Variants in OPCML observed in about 807,000 individuals in gnomAD.
OPCML encodes the protein opioid binding protein/cell adhesion molecule like, also known as opioid-binding protein/cell adhesion molecule.
A neutral mutation model predicts 37.8 loss-of-function variants in OPCML; 13 were observed. The ratio of observed to expected loss-of-function variants is 0.34; its 90% CI spans 0.22 to 0.55. The LOEUF (loss-of-function observed/expected upper bound fraction) is 0.55, where lower values mean the gene tolerates loss of function less well. OPCML is among the 20% of genes least tolerant of loss of function. OPCML has a pLI of 0.91. For synonymous variants in OPCML, 176 were observed against 168.8 expected (o/e 1.04, Z -0.33); for missense variants, 341 against 435.6 (o/e 0.78, Z 1.93).
At chr11:132,759,731 A>G (rs1286795385) in intron 2 of OPCML, among the ~76,000 whole-genome samples, 1 of 151,732 alleles carries the variant, frequency 6.6e-6, no homozygotes, top group Non-Finnish European at 1.5e-5. Flanking sequence ...TATTTTGTTA[A>G]TCTTTTCTAA....
chr11:132,737,858 C>A (rs1354411097), intron 2 of OPCML, among the ~76,000 whole-genome samples: 1 of 152,170 alleles, frequency 6.6e-6, no homozygotes, highest in African/African-American at 2.4e-5. Flanking sequence ...GAGAGTTGGG[C>A]AACCAGAGAT....
In OPCML at chr11:132,552,763, C is replaced by CT. The variant is rs562056846; in HGVS notation, c.380-23578dup. 8.1e-3 allele frequency among the ~76,000 whole-genome samples: 750 copies of CT among 92,782 alleles called. 81 individuals are homozygous for CT. The highest frequency in any genetic ancestry group is 0.026 in the Admixed American group (226 of 8,772). 60.9% of individuals were successfully genotyped at this position (92,782 alleles called of 152,430 possible). On this transcript the variant is annotated intron_variant, in intron 3 of 7. Coordinates refer to ENST00000524381, the MANE Select transcript of OPCML (RefSeq NM_001012393.5). ...TAGTCAAACTAAATTAAACACTACT[C>CT]TTTTTTTTTTTTTTTTGAGACCGAG...
intron 1 of OPCML, among the ~76,000 whole-genome samples, chr11:133,281,879 G>A (rs745702005): frequency 7.2e-5 from 11 of 152,172 alleles, no homozygotes; most frequent in South Asian, 2.1e-4. Flanking sequence ...TACTGTATCC[G>A]CACCCTAGGG....
intron 3 of OPCML, among the ~76,000 whole-genome samples, chr11:132,630,314 C>T (rs766831608): frequency 1.6e-4 from 24 of 152,278 alleles, no homozygotes; most frequent in Admixed American, 1.5e-3. Context: ...AATCCCAGCA[C>T]TTTGGGAGGC....
intron 1 of OPCML, among the ~76,000 whole-genome samples, chr11:133,429,586 A>T (rs181191800): frequency 8.1e-4 from 124 of 152,334 alleles, no homozygotes; most frequent in Non-Finnish European, 1.3e-3. Flanking sequence ...CCAAGATATG[A>T]TGAACAAAGT....
At position 133,389,574 on chromosome 11, in the gene OPCML, AATT is replaced by A. The variant is rs977817867; in HGVS notation, c.61+142687_61+142689del. 3.9e-5 allele frequency among the ~76,000 whole-genome samples: 6 copies of A among 152,178 alleles called. 1 individual carries two copies. Among genetic ancestry groups the A allele is most frequent in the Admixed American group, 1.3e-4 (2 of 15,284 alleles). On this transcript the variant is annotated intron_variant, in intron 1 of 7. Transcript: ENST00000524381. ...AATAAAATAGATGTTCACAGGTGGT[AATT>A]ATTATTATTGTCATTGTTATTACTA...
At chr11:133,089,702 T>C (rs901308376) in intron 1 of OPCML, among the ~76,000 whole-genome samples, 13 of 151,786 alleles carry the variant, frequency 8.6e-5, no homozygotes, top group Admixed American at 2.0e-4. Context: ...AAAAATGGGA[T>C]ACATTTGGAA....
chr11:133,214,012 G>A lies in OPCML; in HGVS notation c.62-271002C>T, dbSNP rs181821650. ...ATGAAAATGGTTAAATGTTTGTGATGTGAGCTCTGTACTCAATGGCATAAC... is the reference window on the plus strand; with the variant it reads ...ATGAAAATGGTTAAATGTTTGTGATATGAGCTCTGTACTCAATGGCATAAC... On this transcript the variant is annotated intron_variant, in intron 1 of 7. Transcript: ENST00000524381. Among the ~76,000 whole-genome samples the A allele has an allele frequency of 3.3e-3, 501 of 152,220 alleles. 5 individuals are homozygous for A. The highest frequency in any genetic ancestry group is 0.011 in the African/African-American group (458 of 41,558).
intron 1 of OPCML, among the ~76,000 whole-genome samples, chr11:133,157,677 C>T (rs1310732206): frequency 6.6e-6 from 1 of 152,104 alleles, no homozygotes; most frequent in African/African-American, 2.4e-5. Context: ...CATTTCAGAA[C>T]CAGTCATCAA....
chr11:132,812,439 C>T (rs778857020), intron 2 of OPCML, among the ~76,000 whole-genome samples: 10 of 148,626 alleles, frequency 6.7e-5, no homozygotes, highest in Admixed American at 4.0e-4. Flanking sequence ...AGAAAATTAA[C>T]ATTACAGAAT....
intron 1 of OPCML, among the ~76,000 whole-genome samples, chr11:133,122,226 G>A (rs1011487381): frequency 2.6e-5 from 4 of 152,222 alleles, no homozygotes; most frequent in East Asian, 3.9e-4. Context: ...AGACATGGAC[G>A]GAGCTTGGGA....
At chr11:133,444,556 T>C (rs1214683674) in intron 1 of OPCML, among the ~76,000 whole-genome samples, 1 of 152,138 alleles carries the variant, frequency 6.6e-6, no homozygotes, top group Non-Finnish European at 1.5e-5. Flanking sequence ...AAAAATAATT[T>C]CTAGGGTTAT....
intron 2 of OPCML, among the ~76,000 whole-genome samples, chr11:132,937,592 T>TG (rs200440152): frequency 2.3e-5 from 2 of 86,790 alleles, no homozygotes; most frequent in East Asian, 1.1e-3. Context: ...GTGGCGTGTG[T>TG]GGGGTGTGTG....
At chr11:133,037,793 C>T (rs903604372) in intron 1 of OPCML, among the ~76,000 whole-genome samples, 2 of 152,192 alleles carry the variant, frequency 1.3e-5, no homozygotes, top group Admixed American at 6.5e-5. Flanking sequence ...CTGGATAAAA[C>T]TCTCCATAGG....
rs569665378 is a variant in OPCML, at chr11:133,261,044, C to T, written c.61+271220G>A. Among the ~76,000 whole-genome samples the T allele has an allele frequency of 1.2e-4, 18 of 152,322 alleles. 1 individual carries two copies. In the South Asian group the frequency reaches 3.7e-3, roughly 32 times the overall value. On this transcript the variant is annotated intron_variant, in intron 1 of 7. Transcript: ENST00000524381. ...TGGTTTATAAGGTCAGTTCTTTTGT[C>T]CATCTGACTTCCTTGGCTTAACAAA...
At chr11:132,910,942 T>C (rs1944408810) in intron 2 of OPCML, among the ~76,000 whole-genome samples, 1 of 152,176 alleles carries the variant, frequency 6.6e-6, no homozygotes. Flanking sequence ...TAGAAAGATG[T>C]TGGAATGCAA....
At chr11:132,889,498 A>T (rs1391685153) in intron 2 of OPCML, among the ~76,000 whole-genome samples, 1 of 152,260 alleles carries the variant, frequency 6.6e-6, no homozygotes, top group East Asian at 1.9e-4. Flanking sequence ...AGCATCTCTC[A>T]TCTCATTAGA....
intron 1 of OPCML, among the ~76,000 whole-genome samples, chr11:133,113,470 T>G (rs1362389529): frequency 6.6e-6 from 1 of 152,232 alleles, no homozygotes; most frequent in African/African-American, 2.4e-5. Flanking sequence ...TTTAGAATGG[T>G]TTCAGACATG....
rs534578511 is a variant in OPCML at position 132,994,820 on chromosome 11, G to A, written c.62-51810C>T. ...CGGACATATAATCAAATGAATGGAA[G>A]CAATATAAGGTTATAAGAACCTCAG... On this transcript the variant is annotated intron_variant, in intron 1 of 7. Coordinates refer to ENST00000524381, the MANE Select transcript of OPCML (RefSeq NM_001012393.5). Among the ~76,000 whole-genome samples the A allele has an allele frequency of 2.0e-5, 3 of 152,320 alleles. No homozygotes were observed. The South Asian group carries it at 6.2e-4, about 32-fold the overall frequency.
Sources: gnomAD v4.1 joint callset for allele counts (sites outside exome capture counted in the v4.1 genomes callset) on GRCh38, gnomAD v4.1.1 for gene constraint, MANE v1.5 for transcripts, NCBI Gene and HGNC (gene_info 2026-07-23, HGNC 2026-07-21) for gene names.